The following ARPC1A variants were observed in gnomAD, a reference collection of about 807,000 sequenced individuals.
ARPC1A encodes actin related protein 2/3 complex subunit 1A, also known as actin-related protein 2/3 complex subunit 1A.
In ARPC1A, 8 loss-of-function variants were observed where a neutral mutation model predicts 46.9. The ratio of observed to expected loss-of-function variants is 0.17; its 90% CI spans 0.10 to 0.31. ARPC1A has a LOEUF of 0.31. ARPC1A is among the 10% of genes least tolerant of loss of function. ARPC1A has a pLI of 1.00. For missense variants in ARPC1A, 286 were observed against 483.6 expected, an observed-to-expected ratio of 0.59 and a Z score of 3.83; for synonymous variants, 152 against 169.0, an observed-to-expected ratio of 0.90 and a Z score of 0.78.
In ARPC1A at chr7:99,344,393, G is replaced by T. The variant is rs1264334424; in HGVS notation, c.270G>T (p.Leu90=). The T allele has an allele frequency of 1.2e-6, 2 of 1,613,846 alleles. No individual in the cohort carries two copies. The highest frequency in any genetic ancestry group is 4.5e-5 in the East Asian group (2 of 44,900). Residue 90 remains leucine (L), a synonymous_variant, in exon 4 of 10, where the codon CTG becomes CTT. Coordinates refer to ENST00000262942, the MANE Select transcript of ARPC1A (RefSeq NM_006409.4). ...SQKDGVWKPT[L]VILRINRAAT... ...AAGATGGTGTTTGGAAGCCAACCCT[G>T]GTGATCCTGAGAATTAATCGCGCAG...
At chr7:99,355,652 G>C (rs1428470966) in intron 6 of ARPC1A, among the ~76,000 whole-genome samples, 2 of 151,804 alleles carry the variant, frequency 1.3e-5, no homozygotes, top group African/African-American at 2.4e-5. Flanking sequence ...GCTGAGGAAG[G>C]AGAATCACTT....
intron 1 of ARPC1A, among the ~76,000 whole-genome samples, chr7:99,326,278 C>T (rs940730580): frequency 6.6e-6 from 1 of 152,212 alleles, no homozygotes; most frequent in African/African-American, 2.4e-5. Flanking sequence ...CTACTTGCAC[C>T]TCTGCTGGGG....
intron 6 of ARPC1A, 99 bp downstream of exon 6, chr7:99,354,220 C>T (rs1793594420): frequency 1.5e-6 from 2 of 1,362,710 alleles, no homozygotes; most frequent in South Asian, 2.8e-5. Context: ...GCACAGGGCA[C>T]AAACATAAAA....
chr7:99,365,800 G>A, intron 9 of ARPC1A, 91 bp from the exon 10 acceptor site: 1 of 1,387,810 alleles, frequency 7.2e-7, no homozygotes, highest in Non-Finnish European at 1.0e-6. Context: ...GGGACAGGCA[G>A]AACCTTCCCT....
At chr7:99,341,908 GA>G (rs1053692214) in intron 3 of ARPC1A, among the ~76,000 whole-genome samples, 2 of 151,830 alleles carry the variant, frequency 1.3e-5, no homozygotes, top group African/African-American at 2.4e-5. Flanking sequence ...AATTTTAGGG[GA>G]AAAAAATATT....
At chr7:99,333,051 C>T (rs372328709) in intron 1 of ARPC1A, among the ~76,000 whole-genome samples, 1 of 152,088 alleles carries the variant, frequency 6.6e-6, no homozygotes, top group East Asian at 1.9e-4. Flanking sequence ...CGTGTGCCAC[C>T]ACGCCCAGCT....
chr7:99,359,719 C>T lies in ARPC1A; in HGVS notation c.964C>T (p.Leu322=). ...GGACCGCAACACGGCCTTGGAGACG[C>T]TGCACCAGAATAGCATCACGTAGGT... ...TEDRNTALET[L]HQNSITQVSI... Residue 322 remains leucine, a synonymous_variant, in exon 8 of 10, where the codon CTG becomes TTG. Coordinates refer to ENST00000262942, the MANE Select transcript of ARPC1A (RefSeq NM_006409.4). The T allele has an allele frequency of 6.2e-7, 1 of 1,614,186 alleles. No homozygotes were observed. Among genetic ancestry groups the T allele is most frequent in the Non-Finnish European group, 8.5e-7 (1 of 1,180,048 alleles).
chr7:99,359,476 T>C, intron 7 of ARPC1A, 69 bp from the exon 8 acceptor site: 1 of 1,488,764 alleles, frequency 6.7e-7, no homozygotes, highest in Non-Finnish European at 9.3e-7. Context: ...CCTGTCGTGG[T>C]GAACACTCTG....
At chr7:99,355,754 AG>A (rs923983779) in intron 6 of ARPC1A, among the ~76,000 whole-genome samples, 10 of 152,100 alleles carry the variant, frequency 6.6e-5, no homozygotes, top group Non-Finnish European at 1.2e-4. Context: ...AAAAAAAAAA[AG>A]GCTAGTTTAG....
intron 3 of ARPC1A, among the ~76,000 whole-genome samples, chr7:99,341,011 T>G (rs1055401604): frequency 6.6e-6 from 1 of 152,198 alleles, no homozygotes; most frequent in Non-Finnish European, 1.5e-5. Flanking sequence ...TACTCATATT[T>G]TAAATTGGAA....
At chr7:99,332,134 T>G (rs1793153054) in intron 1 of ARPC1A, among the ~76,000 whole-genome samples, 2 of 152,220 alleles carry the variant, frequency 1.3e-5, no homozygotes, top group African/African-American at 2.4e-5. Flanking sequence ...AACTGAAAAT[T>G]AGATCTGAAT....
At chr7:99,365,854 C>T in intron 9 of ARPC1A, 37 bp from the exon 10 acceptor site, 1 of 1,554,498 alleles carries the variant, frequency 6.4e-7, no homozygotes, top group South Asian at 1.2e-5. Context: ...GGTAGACACT[C>T]CTCAGTGACA....
chr7:99,340,905 TTTGTTGCTGTTCCTTTCCCACAATC>T (rs1352876336), intron 3 of ARPC1A, among the ~76,000 whole-genome samples: 1 of 152,226 alleles, frequency 6.6e-6, no homozygotes, highest in East Asian at 1.9e-4. Flanking sequence ...CGTTTCTATT[TTTGTTGCTGTTCCTTTCCCACAATC>T]TTATTTCTAT....
At chr7:99,348,567 C>G (rs1051440827) in intron 4 of ARPC1A, among the ~76,000 whole-genome samples, 1 of 152,172 alleles carries the variant, frequency 6.6e-6, no homozygotes, top group African/African-American at 2.4e-5. Context: ...ATTAGCCAGT[C>G]TCAGATCATA....
intron 2 of ARPC1A, among the ~76,000 whole-genome samples, chr7:99,337,095 T>A (rs1286955397): frequency 1.3e-5 from 2 of 152,156 alleles, no homozygotes; most frequent in Non-Finnish European, 2.9e-5. Context: ...GATTTGGGGA[T>A]ATTTGCATAA....
chr7:99,355,143 A>T (rs1189543806), intron 6 of ARPC1A, among the ~76,000 whole-genome samples: 1 of 149,336 alleles, frequency 6.7e-6, no homozygotes, highest in East Asian at 2.0e-4. Flanking sequence ...TCAGCCCGGC[A>T]TAGTGGCATA....
intron 9 of ARPC1A, among the ~76,000 whole-genome samples, chr7:99,364,278 T>TC (rs1432854541): frequency 6.7e-6 from 1 of 148,944 alleles, no homozygotes; most frequent in Non-Finnish European, 1.5e-5. Flanking sequence ...CTTTTTTTTT[T>TC]TTTTTTTTTT....
intron 5 of ARPC1A, among the ~76,000 whole-genome samples, chr7:99,353,113 TTTATGTTATGTTATGTTATGTTATG>T (rs201492356): frequency 1.1e-3 from 152 of 136,716 alleles, no homozygotes; most frequent in African/African-American, 2.9e-3. Context: ...TTTAGTTTAG[TTTATGTTATGTTATGTTATGTTATG>T]TTATGTTATG....
rs1276241239 is a variant in ARPC1A at position 99,365,927 on chromosome 7, T to C, written c.1111T>C (p.Ter371ArgextTer2). The C allele has an allele frequency of 1.9e-6, 3 of 1,571,600 alleles. No individual in the cohort carries two copies. In the African/African-American group the frequency reaches 4.0e-5, roughly 21 times the overall value. ...TTCCATCCAGGGCCTCCGGATAATGTGAAGCTGAGTGAGCCTCCGCCATCC... is the reference window on the plus strand; with the variant it reads ...TTCCATCCAGGGCCTCCGGATAATGCGAAGCTGAGTGAGCCTCCGCCATCC... ...ESSIQGLRIM[*>R] The change falls in exon 10 of 10, where the codon TGA (stop) becomes CGA (arginine). Residue 371 changes from the stop codon to arginine (R), a stop_lost. Coordinates refer to ENST00000262942, the MANE Select transcript of ARPC1A (RefSeq NM_006409.4).
Sources: allele counts gnomAD v4.1 joint callset (sites outside exome capture counted in the v4.1 genomes callset), GRCh38; gene constraint gnomAD v4.1.1; transcripts MANE v1.5; gene names NCBI Gene and HGNC (gene_info 2026-07-23, HGNC 2026-07-21).